The following B4GALT6 variants were observed in gnomAD, a reference collection of about 807,000 sequenced individuals.
The protein encoded by B4GALT6 is UDP-Gal:beta-GlcNAc beta-1,4-galactosyltransferase 6.
In B4GALT6, 14 loss-of-function variants were observed where a neutral mutation model predicts 46.3. That is an observed-to-expected ratio of 0.30 (90% CI 0.20 to 0.47). The LOEUF (loss-of-function observed/expected upper bound fraction) is 0.47. Ranked by LOEUF, B4GALT6 falls within the 20% of genes least tolerant of loss-of-function variation. The probability of loss-of-function intolerance (pLI) is 0.99; values close to 1 mark genes in which losing one functional copy is unlikely to be tolerated. For missense variants in B4GALT6, 386 were observed against 480.1 expected (o/e 0.80, Z 1.83); for synonymous variants, 168 against 162.0 (o/e 1.04, Z -0.28).
intron 2 of B4GALT6, among the ~76,000 whole-genome samples, chr18:31,661,740 C>G (rs1218233440): frequency 6.6e-6 from 1 of 152,048 alleles, no homozygotes; most frequent in Non-Finnish European, 1.5e-5. Flanking sequence ...TATGATATAA[C>G]AATATTTTAA....
At chr18:31,688,655 C>T (rs1163116359), upstream of B4GALT6, among the ~76,000 whole-genome samples, 1 of 152,130 alleles carries the variant, frequency 6.6e-6, no homozygotes, top group Non-Finnish European at 1.5e-5. Flanking sequence ...AATGTCCTAG[C>T]ATTTTCAAGC....
At chr18:31,703,113 T>C in the B4GALT6 span, among the ~76,000 whole-genome samples, 1 of 152,176 alleles carries the variant, frequency 6.6e-6, no homozygotes, top group Non-Finnish European at 1.5e-5. Flanking sequence ...GGTGGCAGAA[T>C]TTCTTTTAGA....
At position 31,657,963 on chromosome 18, in the gene B4GALT6, G is replaced by A. The variant is rs1598904835; in HGVS notation, c.346+13C>T. ...CAAGTAAACAGTTAAGTCAAAATTA[G>A]ATGACGACTTACGCATATAAGGCAG... On this transcript the variant is annotated intron_variant, in intron 3 of 8. Coordinates refer to ENST00000306851, the MANE Select transcript of B4GALT6 (RefSeq NM_004775.5). 6.3e-7 allele frequency: 1 copy of A among 1,586,316 alleles called. No homozygotes were observed.
At chr18:31,634,995 C>A (rs1430647601) in intron 5 of B4GALT6, among the ~76,000 whole-genome samples, 1 of 152,152 alleles carries the variant, frequency 6.6e-6, no homozygotes, top group Non-Finnish European at 1.5e-5. Flanking sequence ...GTAGTCCCAG[C>A]ACTTTGGGAG....
chr18:31,718,523 C>T, the B4GALT6 span, among the ~76,000 whole-genome samples: 99 of 152,316 alleles, frequency 6.5e-4, no homozygotes, highest in African/African-American at 1.4e-3. Flanking sequence ...CCTAACACAA[C>T]GCTCTCCACA....
intron 3 of B4GALT6, among the ~76,000 whole-genome samples, chr18:31,649,575 C>CAAAAAAAAAAAAAAAAAA (rs66578099): frequency 2.9e-5 from 3 of 102,406 alleles, no homozygotes; most frequent in Admixed American, 1.0e-4. Flanking sequence ...AAAAAATGAG[C>CAAAAAAAAAAAAAAAAAA]AAAAAAAAAA....
chr18:31,665,105 C>G (rs1195063511), intron 2 of B4GALT6, among the ~76,000 whole-genome samples: 1 of 152,150 alleles, frequency 6.6e-6, no homozygotes, highest in African/African-American at 2.4e-5. Flanking sequence ...TAAGAAAGAA[C>G]ATCTACAGCT....
upstream of B4GALT6, among the ~76,000 whole-genome samples, chr18:31,690,275 G>A (rs2030065145): frequency 6.6e-6 from 1 of 151,930 alleles, no homozygotes; most frequent in Admixed American, 6.6e-5. Flanking sequence ...GGGATTACAG[G>A]TGCCCACCAC....
At chr18:31,710,714 C>G in the B4GALT6 span, among the ~76,000 whole-genome samples, 4 of 151,902 alleles carry the variant, frequency 2.6e-5, no homozygotes, top group Non-Finnish European at 4.4e-5. Flanking sequence ...TTAAACCATC[C>G]AGTTTGTGGT....
chr18:31,631,325 T>G (rs978458848), intron 5 of B4GALT6, among the ~76,000 whole-genome samples, 179 bp from the exon 6 acceptor site: 11 of 152,052 alleles, frequency 7.2e-5, no homozygotes, highest in Non-Finnish European at 1.6e-4. Context: ...GTGCTGGGAT[T>G]GCAGGTGTGA....
chr18:31,684,724 G>A (rs571184166), upstream of B4GALT6: 10 of 1,128,052 alleles, frequency 8.9e-6, no homozygotes, highest in East Asian at 3.1e-4. Context: ...AGAAAGCCGG[G>A]GAAGGGCGAG....
chr18:31,685,214 G>A (rs145581407), upstream of B4GALT6, among the ~76,000 whole-genome samples: 2 of 150,296 alleles, frequency 1.3e-5, no homozygotes, highest in Admixed American at 6.6e-5. Flanking sequence ...CCGCAAGGGC[G>A]GCAGCGGCAT....
At chr18:31,714,742 C>G in the B4GALT6 span, among the ~76,000 whole-genome samples, 3 of 152,162 alleles carry the variant, frequency 2.0e-5, no homozygotes, top group Non-Finnish European at 4.4e-5. Context: ...GATGTCAGGC[C>G]TAGGGGAGAT....
the B4GALT6 span, among the ~76,000 whole-genome samples, chr18:31,710,814 C>CCACACACACACACACACACACACACACA: frequency 1.1e-4 from 15 of 140,220 alleles, no homozygotes; most frequent in South Asian, 2.5e-4. Flanking sequence ...CCTGAATACA[C>CCACACACACACACACACACACACACACA]CACACACACA....
chr18:31,685,221 G>T (rs1434501707), upstream of B4GALT6, among the ~76,000 whole-genome samples: 26 of 150,720 alleles, frequency 1.7e-4, no homozygotes, highest in African/African-American at 6.3e-4. Flanking sequence ...GGCGGCAGCG[G>T]CATTACCGCC....
the B4GALT6 span, among the ~76,000 whole-genome samples, chr18:31,717,429 G>T: frequency 6.6e-6 from 1 of 152,090 alleles, no homozygotes; most frequent in African/African-American, 2.4e-5. Flanking sequence ...GGGTGATGGC[G>T]ACTTGAGTAT....
intron 1 of B4GALT6, among the ~76,000 whole-genome samples, chr18:31,669,905 C>T (rs2144701519): frequency 6.6e-6 from 1 of 152,300 alleles, no homozygotes; most frequent in South Asian, 2.1e-4. Flanking sequence ...TACTAGAACT[C>T]AGCCTAAGGC....
chr18:31,684,087 A>C (rs998801497), intron 1 of B4GALT6, among the ~76,000 whole-genome samples: 4 of 152,154 alleles, frequency 2.6e-5, no homozygotes, highest in African/African-American at 9.6e-5. Flanking sequence ...GCAATCTTTT[A>C]CGTTATTAAC....
intron 3 of B4GALT6, among the ~76,000 whole-genome samples, chr18:31,652,354 T>C (rs1241133148): frequency 2.8e-5 from 4 of 144,564 alleles, no homozygotes; most frequent in Admixed American, 2.1e-4. Flanking sequence ...TTCCTCACTC[T>C]CCCTGCTGTC....
Sources: allele counts gnomAD v4.1 joint callset (sites outside exome capture counted in the v4.1 genomes callset), GRCh38; gene constraint gnomAD v4.1.1; transcripts MANE v1.5; gene names NCBI Gene and HGNC (gene_info 2026-07-23, HGNC 2026-07-21).